Variants in ZMAT4 observed in about 807,000 individuals in gnomAD.
ZMAT4 encodes zinc finger matrin-type protein 4.
A neutral mutation model predicts 28.7 loss-of-function variants in ZMAT4; 17 were observed. The observed-to-expected ratio is 0.59, with a 90% confidence interval of 0.41 to 0.89. The LOEUF is 0.89. Ranked by LOEUF, ZMAT4 falls within the 40% of genes least tolerant of loss-of-function variation. The pLI is 0.00. For synonymous variants in ZMAT4, 117 were observed against 109.2 expected (o/e 1.07, Z -0.44); for missense variants, 240 against 283.8 (o/e 0.85, Z 1.11).
intron 1 of ZMAT4, among the ~76,000 whole-genome samples, chr8:40,847,214 C>CAAAAAA (rs372935416): frequency 3.0e-5 from 3 of 99,594 alleles, no homozygotes; most frequent in African/African-American, 4.4e-5. Context: ...AAAAAACAAA[C>CAAAAAA]AAACAAAAAA....
At chr8:40,685,146 T>C (rs1261495151) in intron 4 of ZMAT4, among the ~76,000 whole-genome samples, 2 of 152,182 alleles carry the variant, frequency 1.3e-5, no homozygotes, top group African/African-American at 4.8e-5. Context: ...TGAGTCAGTC[T>C]ATGAAATCAA....
intron 3 of ZMAT4, among the ~76,000 whole-genome samples, chr8:40,759,863 G>A (rs139835497): frequency 6.8e-4 from 103 of 152,284 alleles, no homozygotes; most frequent in African/African-American, 2.3e-3. Flanking sequence ...TAGATAAGAT[G>A]TGTGGATGAT....
At chr8:40,830,412 A>G (rs1287970319) in intron 1 of ZMAT4, among the ~76,000 whole-genome samples, 1 of 152,066 alleles carries the variant, frequency 6.6e-6, no homozygotes, top group African/African-American at 2.4e-5. Context: ...GCTCCCACTT[A>G]TAAGTGAGAG....
chr8:40,650,111 C>G (rs1446364825), intron 5 of ZMAT4, among the ~76,000 whole-genome samples: 2 of 152,018 alleles, frequency 1.3e-5, no homozygotes. Flanking sequence ...CACAAAAAAC[C>G]CTTCAAAAAG....
intron 3 of ZMAT4, among the ~76,000 whole-genome samples, chr8:40,755,522 G>A (rs548615672): frequency 8.5e-5 from 13 of 152,152 alleles, no homozygotes; most frequent in African/African-American, 2.4e-4. Context: ...GCCCGATCTC[G>A]GCTCACTGCA....
intron 1 of ZMAT4, among the ~76,000 whole-genome samples, chr8:40,860,789 G>A (rs13264148): frequency 0.043 from 6,569 of 152,256 alleles, 170 homozygotes; most frequent in South Asian, 0.085. Context: ...CTGCCTGGTC[G>A]TCCTGGAGTC....
At chr8:40,574,204 A>G (rs1804188725) in intron 6 of ZMAT4, among the ~76,000 whole-genome samples, 1 of 152,192 alleles carries the variant, frequency 6.6e-6, no homozygotes, top group African/African-American at 2.4e-5. Context: ...AAAGCTTTGA[A>G]GAGTTAGTGT....
At chr8:40,644,625 A>C (rs1405573454) in intron 5 of ZMAT4, among the ~76,000 whole-genome samples, 1 of 152,228 alleles carries the variant, frequency 6.6e-6, no homozygotes, top group African/African-American at 2.4e-5. Flanking sequence ...ATTATTTTGA[A>C]TAATTTATGT....
At chr8:40,627,364 A>G (rs1335597670) in intron 5 of ZMAT4, among the ~76,000 whole-genome samples, 4 of 152,140 alleles carry the variant, frequency 2.6e-5, no homozygotes, top group African/African-American at 7.2e-5. Flanking sequence ...AAAGATAAGT[A>G]CACACACACA....
intron 3 of ZMAT4, among the ~76,000 whole-genome samples, chr8:40,718,859 G>T (rs1810963200): frequency 6.6e-6 from 1 of 152,178 alleles, no homozygotes; most frequent in Non-Finnish European, 1.5e-5. Context: ...TCATACTCTT[G>T]TGGATTCAAG....
intron 2 of ZMAT4, among the ~76,000 whole-genome samples, chr8:40,772,002 T>C (rs1296945419): frequency 6.6e-6 from 1 of 152,202 alleles, no homozygotes; most frequent in Non-Finnish European, 1.5e-5. Flanking sequence ...GTTAAATGTA[T>C]ATATTACAGA....
chr8:40,636,160 C>T (rs577259759), intron 5 of ZMAT4, among the ~76,000 whole-genome samples: 57 of 152,296 alleles, frequency 3.7e-4, no homozygotes, highest in African/African-American at 1.3e-3. Context: ...ATTCAGTGGA[C>T]GTGAGAAAAT....
At chr8:40,695,704 T>C (rs879458302) in intron 4 of ZMAT4, among the ~76,000 whole-genome samples, 11 of 150,848 alleles carry the variant, frequency 7.3e-5, no homozygotes, top group Non-Finnish European at 1.0e-4. Flanking sequence ...AGGAAAACAA[T>C]TGGATGCTTG....
intron 5 of ZMAT4, among the ~76,000 whole-genome samples, chr8:40,596,377 A>T (rs144539522): frequency 9.2e-5 from 14 of 152,260 alleles, no homozygotes; most frequent in African/African-American, 2.6e-4. Flanking sequence ...TTATTTTTTG[A>T]CTCTTTTGTA....
At position 40,702,185 on chromosome 8, in the gene ZMAT4, T is replaced by A. The variant is rs566425097; in HGVS notation, c.193-4784A>T. 2.6e-5 allele frequency among the ~76,000 whole-genome samples: 4 copies of A among 152,262 alleles called. No homozygotes were observed. In the East Asian group the frequency reaches 7.8e-4, roughly 30 times the overall value. On this transcript the variant is annotated intron_variant, in intron 3 of 6. Transcript: ENST00000297737. ...TTCTAGAACCATGAGCTGAATACAT[T>A]TATGTTCATTATGAATTACTCAGGC...
At chr8:40,834,589 A>G (rs1404265003) in intron 1 of ZMAT4, among the ~76,000 whole-genome samples, 1 of 152,158 alleles carries the variant, frequency 6.6e-6, no homozygotes, top group Non-Finnish European at 1.5e-5. Flanking sequence ...AGTCTGCAGC[A>G]GGGAACAAGG....
intron 3 of ZMAT4, among the ~76,000 whole-genome samples, chr8:40,746,592 AC>A (rs1279707369): frequency 6.6e-6 from 1 of 151,582 alleles, no homozygotes; most frequent in Non-Finnish European, 1.5e-5. Flanking sequence ...CAAACTCCTG[AC>A]CTCTGCCCAC....
intron 2 of ZMAT4, among the ~76,000 whole-genome samples, chr8:40,793,734 T>C (rs992952112): frequency 1.3e-5 from 2 of 152,226 alleles, no homozygotes; most frequent in Non-Finnish European, 2.9e-5. Context: ...TGTATCTATG[T>C]CGTTTGTCTA....
chr8:40,838,511 T>C (rs1816580690), intron 1 of ZMAT4, among the ~76,000 whole-genome samples: 1 of 152,100 alleles, frequency 6.6e-6, no homozygotes, highest in Non-Finnish European at 1.5e-5. Context: ...CCCAGCTAAC[T>C]TTTTGATTTT....
Sources: allele counts gnomAD v4.1 joint callset (sites outside exome capture counted in the v4.1 genomes callset), GRCh38; gene constraint gnomAD v4.1.1; transcripts MANE v1.5; gene names NCBI Gene and HGNC (gene_info 2026-07-23, HGNC 2026-07-21).